Variants in AGBL1 observed in about 807,000 individuals in gnomAD.
AGBL1 encodes AGBL carboxypeptidase 1.
AGBL1 carries 130 observed loss-of-function variants against 118.9 expected under a neutral mutation model. The observed-to-expected ratio is 1.09, with a 90% CI of 0.95 to 1.26. The LOEUF is 1.26. Ranked by LOEUF, AGBL1 falls within the 50% of genes most tolerant of loss-of-function variation. The pLI is 0.00. For synonymous variants in AGBL1, 555 were observed against 478.9 expected (o/e 1.16, Z -2.08); for missense variants, 1,584 against 1,298.1 (o/e 1.22, Z -3.38).
intron 24 of AGBL1, among the ~76,000 whole-genome samples, chr15:87,019,613 A>G (rs1433591949): frequency 3.3e-5 from 5 of 152,136 alleles, no homozygotes; most frequent in Non-Finnish European, 7.4e-5. Flanking sequence ...TGTGGGATGC[A>G]GCTAAAGCAA....
chr15:86,457,813 G>A (rs1289082879), intron 18 of AGBL1, among the ~76,000 whole-genome samples: 1 of 152,058 alleles, frequency 6.6e-6, no homozygotes, highest in African/African-American at 2.4e-5. Context: ...CAAAAGAAAG[G>A]GCAATGCCAG....
intron 1 of AGBL1, among the ~76,000 whole-genome samples, chr15:86,091,257 T>C (rs897393247): frequency 1.3e-5 from 2 of 152,122 alleles, no homozygotes; most frequent in Non-Finnish European, 2.9e-5. Context: ...GGTGGAAAGG[T>C]TTTCAGAATT....
At chr15:86,590,473 TTG>T (rs2084319283) in intron 21 of AGBL1, among the ~76,000 whole-genome samples, 2 of 152,222 alleles carry the variant, frequency 1.3e-5, no homozygotes, top group African/African-American at 4.8e-5. Flanking sequence ...TCAGCCATGA[TTG>T]TAAGTTTCCT....
chr15:86,851,367 GGGGCTTTAAACAGTTTTGATGGGGGCAAA>G (rs1214681457), intron 22 of AGBL1, among the ~76,000 whole-genome samples: 1 of 152,098 alleles, frequency 6.6e-6, no homozygotes, highest in Non-Finnish European at 1.5e-5. Context: ...CCTGTAGGAG[GGGGCTTTAAACAGTTTTGATGGGGGCAAA>G]CAGTGAGGAC....
At chr15:86,323,868 G>C (rs781252287) in intron 17 of AGBL1, among the ~76,000 whole-genome samples, 6 of 152,054 alleles carry the variant, frequency 3.9e-5, no homozygotes, top group Non-Finnish European at 8.8e-5. Context: ...CTCTCTTCAT[G>C]GTGTCTTTCC....
intron 9 of AGBL1, among the ~76,000 whole-genome samples, chr15:86,259,371 T>G (rs915401218): frequency 1.3e-5 from 2 of 152,212 alleles, no homozygotes; most frequent in Non-Finnish European, 2.9e-5. Context: ...GTTTCTTAAT[T>G]TTGTTGTCTG....
chr15:86,911,561 C>A lies in AGBL1; in HGVS notation c.*4267C>A, dbSNP rs1487526701. 6.6e-6 allele frequency: 1 copy of A among 152,286 alleles called. No homozygotes were observed. Among genetic ancestry groups the A allele is most frequent in the African/African-American group, 2.4e-5 (1 of 41,438 alleles). 9.4% of individuals were successfully genotyped at this position (152,286 alleles called of 1,614,324 possible). On this transcript the variant is annotated 3_prime_UTR_variant, in exon 23 of 23. Transcript: ENST00000614907. ...TTGTTCTCTTTGATTTGCCACAGAACATACCCTCTTTCTCTCTCATCGCAC... is the reference window on the plus strand; with the variant it reads ...TTGTTCTCTTTGATTTGCCACAGAAAATACCCTCTTTCTCTCTCATCGCAC...
In AGBL1 at chr15:86,599,576, G is replaced by A. The variant is rs530897905; in HGVS notation, c.2994+45039G>A. Among the ~76,000 whole-genome samples, 10 of 152,194 alleles carry A rather than the reference G, an allele frequency of 6.6e-5. No individual in the cohort carries two copies. In the South Asian group the frequency reaches 2.1e-3, roughly 32 times the overall value. ...TGGATGAATGGATCGATAAGTGAAT[G>A]CATATATAATGGCATGGCAAATTGG... On this transcript the variant is annotated intron_variant, in intron 21 of 22. Transcript: ENST00000614907.
chr15:86,083,263 TG>T (rs934589958), intron 1 of AGBL1: 1 of 152,188 alleles, frequency 6.6e-6, no homozygotes, highest in Non-Finnish European at 1.5e-5. Context: ...ATGGAGAAGA[TG>T]GGGAACTGCC....
chr15:86,170,675 C>G (rs1297878905), intron 5 of AGBL1, among the ~76,000 whole-genome samples: 2 of 151,432 alleles, frequency 1.3e-5, no homozygotes, highest in African/African-American at 2.4e-5. Flanking sequence ...TGAAACCCCC[C>G]TCTCTATTAA....
chr15:86,467,287 C>A (rs1313784536), intron 18 of AGBL1, among the ~76,000 whole-genome samples: 1 of 152,196 alleles, frequency 6.6e-6, no homozygotes, highest in Non-Finnish European at 1.5e-5. Context: ...GGAAAACTGC[C>A]TACTCAAGCC....
chr15:86,433,213 C>CTCT (rs201556757), intron 18 of AGBL1, among the ~76,000 whole-genome samples: 177 of 144,910 alleles, frequency 1.2e-3, no homozygotes, highest in African/African-American at 4.1e-3. Context: ...TCCTTTCCTC[C>CTCT]TCTTCTTCTT....
At chr15:86,670,324 C>T (rs1412854812) in intron 21 of AGBL1, among the ~76,000 whole-genome samples, 1 of 151,878 alleles carries the variant, frequency 6.6e-6, no homozygotes, top group Non-Finnish European at 1.5e-5. Flanking sequence ...AAAATAAAGG[C>T]CGGGTGCGGT....
chr15:86,616,718 T>C (rs1364200032), intron 21 of AGBL1, among the ~76,000 whole-genome samples: 2 of 152,208 alleles, frequency 1.3e-5, no homozygotes, highest in Admixed American at 6.5e-5. Flanking sequence ...ATTAATGAAT[T>C]GTTACCAGTC....
chr15:86,652,516 G>A (rs1440963337), intron 21 of AGBL1, among the ~76,000 whole-genome samples: 1 of 152,002 alleles, frequency 6.6e-6, no homozygotes, highest in Non-Finnish European at 1.5e-5. Flanking sequence ...ATGTGGTTTA[G>A]CTGCTTTATA....
At chr15:86,218,299 A>T (rs1042269387) in intron 5 of AGBL1, among the ~76,000 whole-genome samples, 1 of 152,158 alleles carries the variant, frequency 6.6e-6, no homozygotes, top group African/African-American at 2.4e-5. Flanking sequence ...TTAAGGGTGC[A>T]TGTTCAACTT....
intron 7 of AGBL1, among the ~76,000 whole-genome samples, chr15:86,253,896 C>T (rs1401872690): frequency 6.6e-6 from 1 of 152,040 alleles, no homozygotes; most frequent in Non-Finnish European, 1.5e-5. Context: ...ACCCATTAAA[C>T]TGATTTATGC....
At chr15:86,126,435 T>C (rs145235030) in intron 1 of AGBL1, among the ~76,000 whole-genome samples, 1 of 152,274 alleles carries the variant, frequency 6.6e-6, no homozygotes, top group African/African-American at 2.4e-5. Flanking sequence ...CATCTGTGGG[T>C]CTTTGTTGCT....
Position 86,247,818 on chromosome 15 carries a change from G to T in AGBL1, c.674G>T (p.Arg225Leu), listed in dbSNP as rs777754604. 6.2e-7 allele frequency: 1 copy of T among 1,613,956 alleles called. No individual in the cohort carries two copies. Among genetic ancestry groups the T allele is most frequent in the Non-Finnish European group, 8.5e-7 (1 of 1,179,902 alleles). Reference protein sequence around the residue: ...LLCLRHIAALRSGREAFLAAQ... With the variant: ...LLCLRHIAALLSGREAFLAAQ... ...TGCCTCAGGCACATTGCTGCCCTCC[G>T]GTCCGGCAGGGAGGCCTTCCTGGCA... Residue 225 changes from arginine (R) to leucine (L), a missense_variant, in exon 7 of 23, where the codon CGG becomes CTG. Arg to Leu is a moderately radical substitution (Grantham distance 102). Coordinates refer to ENST00000614907, the MANE Select transcript of AGBL1 (RefSeq NM_001386094.1).
Sources: allele counts gnomAD v4.1 joint callset (sites outside exome capture counted in the v4.1 genomes callset), GRCh38; gene constraint gnomAD v4.1.1; transcripts MANE v1.5; gene names NCBI Gene and HGNC (gene_info 2026-07-23, HGNC 2026-07-21).